Variants in USF3 observed in about 807,000 individuals in gnomAD.
USF3 encodes the protein upstream transcription factor family member 3, also known as basic helix-loop-helix domain-containing protein USF3.
Under a neutral mutation model 157.5 loss-of-function variants are expected in USF3, and 29 were observed. The observed-to-expected ratio is 0.18, with a 90% confidence interval of 0.14 to 0.25. The LOEUF is 0.25. USF3 is among the 10% of genes least tolerant of loss of function. The pLI is 1.00. For synonymous variants in USF3, 893 were observed against 941.4 expected (o/e 0.95, Z 0.94); for missense variants, 2,381 against 2,667.6 (o/e 0.89, Z 2.37).
chr3:113,665,517 T>C (rs1947550662), intron 5 of USF3, among the ~76,000 whole-genome samples: 1 of 152,212 alleles, frequency 6.6e-6, no homozygotes, highest in South Asian at 2.1e-4. Flanking sequence ...TACATGCCTA[T>C]ATACATCCTT....
chr3:113,672,117 T>C lies in USF3; in HGVS notation c.76+1231A>G, dbSNP rs573846205. Among the ~76,000 whole-genome samples, 7 of 151,768 alleles carry C rather than the reference T, an allele frequency of 4.6e-5. No homozygotes were observed. The East Asian group carries it at 7.7e-4, about 17-fold the overall frequency. On this transcript the variant is annotated intron_variant, in intron 4 of 6. Transcript: ENST00000316407. ...CTAATTAGTCTTTCTTAGTAAGTTA[T>C]GGTAAACACATCTCTTTCTTTTTTT...
chr3:113,649,941 G>A lies in USF3; in HGVS notation c.*5003C>T, dbSNP rs1947232519. ...ACCCTGGGGAAAGAAAAATGGTAAT[G>A]TTCAGCCAAAAAGGCATCTTGAGAA... On this transcript the variant is annotated 3_prime_UTR_variant, in exon 7 of 7. Transcript: ENST00000316407. The A allele has an allele frequency of 2.9e-6, 2 of 684,254 alleles. No individual in the cohort carries two copies. The highest frequency in any genetic ancestry group is 5.3e-6 in the Non-Finnish European group (2 of 378,228). The allele number at this position is 684,254 out of a possible 1,614,324, so 42.4% of individuals were successfully genotyped here. A position where few individuals can be genotyped will look rare whatever the true frequency, so the allele number is the denominator to read the frequency against.
At position 113,656,703 on chromosome 3, in the gene USF3, G is replaced by A; in HGVS notation, c.4979C>T (p.Pro1660Leu). The A allele has an allele frequency of 6.2e-7, 1 of 1,614,058 alleles. No homozygotes were observed. The highest frequency in any genetic ancestry group is 8.5e-7 in the Non-Finnish European group (1 of 1,180,004). The change falls in exon 7 of 7, where the codon CCA becomes CTA. Residue 1660 changes from proline (P) to leucine (L), a missense_variant. Physicochemically the swap from Pro to Leu is moderately conservative, Grantham distance 98. Transcript: ENST00000316407. Reference sequence around the variant, plus strand: ...ATAACTTGAAACTCTATTTCTCTCTGGCCTGTGTGGAGTACAGGTCATGTC... The same window carrying A: ...ATAACTTGAAACTCTATTTCTCTCTAGCCTGTGTGGAGTACAGGTCATGTC... ...SSDMTCTPHR[P>L]ERNRVSSYSA... is the part of the protein sequence containing the mutation.
chr3:113,688,141 C>T (rs1207110941), intron 1 of USF3, among the ~76,000 whole-genome samples: 6 of 150,406 alleles, frequency 4.0e-5, no homozygotes, highest in Admixed American at 4.0e-4. Context: ...TTTTTTGAGA[C>T]GGAGTCTCAC....
rs1266464109 is a variant in USF3, at chr3:113,652,108, A to AGAGAGAGAGAGTGTGT, written c.*2835_*2836insACACACTCTCTCTCTC. On this transcript the variant is annotated 3_prime_UTR_variant, in exon 7 of 7. Coordinates refer to ENST00000316407, the MANE Select transcript of USF3 (RefSeq NM_001009899.4). ...TGGAGAGAGAGAGAGAGAGAGAGAG[A>AGAGAGAGAGAGTGTGT]GTGTGTGTGTGTGTGTGTGTGTGTG... 4 of 141,978 alleles carry AGAGAGAGAGAGTGTGT rather than the reference A, an allele frequency of 2.8e-5. No homozygotes were observed. The highest frequency in any genetic ancestry group is 1.0e-4 in the African/African-American group (4 of 38,276). 8.8% of individuals were successfully genotyped at this position (141,978 alleles called of 1,614,324 possible).
chr3:113,673,820 G>A (rs1326947557), intron 3 of USF3, among the ~76,000 whole-genome samples: 1 of 152,206 alleles, frequency 6.6e-6, no homozygotes, highest in Non-Finnish European at 1.5e-5. Flanking sequence ...GTAATCCCTA[G>A]GGAGGGAGAT....
chr3:113,656,300 G>A lies in USF3; in HGVS notation c.5382C>T (p.Tyr1794=). 1 of 1,614,196 alleles carries A rather than the reference G, an allele frequency of 6.2e-7. No individual in the cohort carries two copies. The highest frequency in any genetic ancestry group is 1.1e-5 in the South Asian group (1 of 91,090). The stretch of plus-strand genomic sequence containing the variant: ...CTGTTGGGATGCTCTGAACTGGTGG[G>A]TAAGATAATCTCTTTTGACGGTCAA... ...PPIDRQKRLS[Y]PPVQSIPTGN... The change falls in exon 7 of 7, where the codon TAC becomes TAT. Residue 1794 remains tyrosine (Y), a synonymous_variant. Transcript: ENST00000316407.
At chr3:113,690,093 G>T (rs534002005) in intron 1 of USF3, among the ~76,000 whole-genome samples, 4 of 152,190 alleles carry the variant, frequency 2.6e-5, no homozygotes, top group Non-Finnish European at 4.4e-5. Flanking sequence ...TAACAAGTCT[G>T]TTTGGAATGT....
chr3:113,690,716 C>T (rs972863905), intron 1 of USF3, among the ~76,000 whole-genome samples: 2 of 152,104 alleles, frequency 1.3e-5, no homozygotes, highest in African/African-American at 2.4e-5. Context: ...CTTTAAAGTC[C>T]GGTGCAAGTC....
Position 113,691,570 on chromosome 3 carries a change from G to A in USF3, c.-135+4800C>T, listed in dbSNP as rs527773604. On this transcript the variant is annotated intron_variant, in intron 1 of 6. Coordinates refer to ENST00000316407, the MANE Select transcript of USF3 (RefSeq NM_001009899.4). ...TCAAACACAGGCTCACCTCTGGGGT[G>A]GGCATGGGGCTAACTAATAAGACTC... Among the ~76,000 whole-genome samples, 9 of 152,246 alleles carry A rather than the reference G, an allele frequency of 5.9e-5. No individual in the cohort carries two copies. The South Asian group carries it at 1.7e-3, about 28-fold the overall frequency.
chr3:113,658,702 G>C lies in USF3; in HGVS notation c.2980C>G (p.Gln994Glu), dbSNP rs368742523. ...TGCCCCTTTAAGAGACCTGTGGTTT[G>C]CATTGTATCTGATGAATCTTGCTCA... ...RVEQDSSDTM[Q>E]TTGLLKGQGL... Residue 994 changes from glutamine (Q) to glutamate (E), a missense_variant, in exon 7 of 7, where the codon CAA becomes GAA. Gln to Glu is a conservative substitution (Grantham distance 29). Around this residue, in one of 6 missense-constraint regions of USF3, gnomAD observed 1,435 missense variants for 1,550.9 expected, o/e 0.93. Transcript: ENST00000316407. 1 of 1,613,806 alleles carries C rather than the reference G, an allele frequency of 6.2e-7. No homozygotes were observed. The highest frequency in any genetic ancestry group is 8.5e-7 in the Non-Finnish European group (1 of 1,179,912).
intron 4 of USF3, among the ~76,000 whole-genome samples, chr3:113,671,345 A>C (rs141205373): frequency 6.6e-6 from 1 of 152,294 alleles, no homozygotes; most frequent in East Asian, 1.9e-4. Flanking sequence ...CTTAAAATAG[A>C]TAAGAAAGAG....
chr3:113,664,507 C>A, intron 5 of USF3, 98 bp from the exon 6 acceptor site: 2 of 570,498 alleles, frequency 3.5e-6, no homozygotes, highest in Non-Finnish European at 6.1e-6. Context: ...ATATATGATA[C>A]GTATCTTCTC....
intron 1 of USF3, among the ~76,000 whole-genome samples, chr3:113,681,884 A>T (rs1011269935): frequency 9.1e-5 from 12 of 131,462 alleles, no homozygotes; most frequent in African/African-American, 2.9e-4. Context: ...ACGCCTGGCT[A>T]ATTTTTTTGC....
intron 1 of USF3, among the ~76,000 whole-genome samples, chr3:113,689,302 C>T (rs1027701441): frequency 6.6e-5 from 10 of 152,138 alleles, no homozygotes; most frequent in Non-Finnish European, 2.9e-5. Context: ...TACATTTTAC[C>T]GATCTAGCAA....
chr3:113,656,655 T>C lies in USF3; in HGVS notation c.5027A>G (p.Lys1676Arg). The change falls in exon 7 of 7, where the codon AAG (lysine) becomes AGG (arginine). Residue 1676 changes from lysine (K) to arginine (R), a missense_variant. Physicochemically the swap from Lys to Arg is conservative, Grantham distance 26. Coordinates refer to ENST00000316407, the MANE Select transcript of USF3 (RefSeq NM_001009899.4). ...SSYSAEALIG[K>R]TSSNSEQRMG... ...TCTCTGCTCTGAATTAGAAGATGTCTTTCCAATGAGTGCCTCAGCAGAATA... is the reference window on the plus strand; with the variant it reads ...TCTCTGCTCTGAATTAGAAGATGTCCTTCCAATGAGTGCCTCAGCAGAATA... 2 of 1,614,224 alleles carry C rather than the reference T, an allele frequency of 1.2e-6. No individual in the cohort carries two copies. Among genetic ancestry groups the C allele is most frequent in the Admixed American group, 1.7e-5 (1 of 60,026 alleles).
chr3:113,687,422 C>T (rs1327422463), intron 1 of USF3, among the ~76,000 whole-genome samples: 2 of 152,186 alleles, frequency 1.3e-5, no homozygotes, highest in Non-Finnish European at 2.9e-5. Flanking sequence ...CCAGGTGCTG[C>T]CTGTCCTCAT....
At chr3:113,674,804 A>G in intron 3 of USF3, 28 bp downstream of exon 3, 3 of 1,594,176 alleles carry the variant, frequency 1.9e-6, no homozygotes, top group Non-Finnish European at 2.6e-6. Context: ...TGCCCAAAGC[A>G]TATTATATTG....
At chr3:113,695,562 A>G (rs1707779583) in intron 1 of USF3, among the ~76,000 whole-genome samples, 1 of 152,206 alleles carries the variant, frequency 6.6e-6, no homozygotes, top group South Asian at 2.1e-4. Flanking sequence ...GTGTTAGGTT[A>G]CTGTATCTAC....
Sources: gnomAD v4.1 joint callset for allele counts (sites outside exome capture counted in the v4.1 genomes callset) on GRCh38, gnomAD v4.1.1 for gene constraint, gnomAD v4.1.1 regional missense constraint, MANE v1.5 for transcripts, NCBI Gene and HGNC (gene_info 2026-07-23, HGNC 2026-07-21) for gene names.